EBF3: variants seen among roughly 807,000 people sequenced by gnomAD.
The protein encoded by EBF3 is transcription factor COE3.
Under a neutral mutation model 77.1 loss-of-function variants are expected in EBF3, and 18 were observed. The ratio of observed to expected loss-of-function variants is 0.23; its 90% CI spans 0.16 to 0.35. The LOEUF (loss-of-function observed/expected upper bound fraction) is 0.35. Ranked by LOEUF, EBF3 falls within the 10% of genes least tolerant of loss-of-function variation. The probability of loss-of-function intolerance (pLI) is 1.00; values close to 1 mark genes in which losing one functional copy is unlikely to be tolerated. For synonymous variants in EBF3, 350 were observed against 343.5 expected, an observed-to-expected ratio of 1.02 and a Z score of -0.21; for missense variants, 558 against 860.0, an observed-to-expected ratio of 0.65 and a Z score of 4.39.
intron 6 of EBF3, among the ~76,000 whole-genome samples, chr10:129,955,989 T>A (rs923611253): frequency 6.6e-6 from 1 of 152,236 alleles, no homozygotes; most frequent in African/African-American, 2.4e-5. Context: ...TATAATTATA[T>A]TGATTTTCAT....
chr10:129,963,556 G>A lies in EBF3; in HGVS notation c.135-33C>T, dbSNP rs1792812110. On this transcript the variant is annotated intron_variant, in intron 1 of 16. Transcript: ENST00000440978. The surrounding 1 kb of genome is among the most constrained non-coding windows in gnomAD (Gnocchi z 7.1). ...AGGAAAGAGACAGCGGCCCGGTGAG[G>A]AGCGCGGCGCCGGCCGGCGGAGGGG... The A allele has an allele frequency of 1.4e-6, 2 of 1,407,154 alleles. No individual in the cohort carries two copies. Among genetic ancestry groups the A allele is most frequent in the Non-Finnish European group, 1.9e-6 (2 of 1,071,956 alleles). 87.2% of individuals were successfully genotyped at this position (1,407,154 alleles called of 1,614,324 possible). A position where few individuals can be genotyped will look rare whatever the true frequency, so the allele number is the denominator to read the frequency against.
At chr10:129,858,148 T>C (rs1451210461) in intron 10 of EBF3, among the ~76,000 whole-genome samples, 2 of 152,102 alleles carry the variant, frequency 1.3e-5, no homozygotes, top group Non-Finnish European at 2.9e-5. Flanking sequence ...GTCCTTGGGG[T>C]TGTACATACC....
chr10:129,942,540 C>T (rs575704792), intron 6 of EBF3, among the ~76,000 whole-genome samples: 1 of 152,272 alleles, frequency 6.6e-6, no homozygotes, highest in Non-Finnish European at 1.5e-5. Flanking sequence ...TTCATGAGCT[C>T]AGGGACAGTC....
intron 6 of EBF3, among the ~76,000 whole-genome samples, chr10:129,916,908 A>G (rs1855919262): frequency 6.6e-6 from 1 of 152,200 alleles, no homozygotes; most frequent in Non-Finnish European, 1.5e-5. Context: ...AGGGGTGGGA[A>G]TGAGGGCTAG....
At position 129,841,107 on chromosome 10, in the gene EBF3, T is replaced by A. The variant is rs1436137172; in HGVS notation, c.1373-75A>T. The A allele has an allele frequency of 6.4e-7, 1 of 1,557,032 alleles. No homozygotes were observed. The highest frequency in any genetic ancestry group is 8.7e-7 in the Non-Finnish European group (1 of 1,150,986). ...ACACTTGGGGGGGGTTCCCCGAGAA[T>A]CTATATCATATATTAACATTGCTAA... is the stretch of plus-strand genomic sequence containing the variant. On this transcript the variant is annotated intron_variant, in intron 13 of 16. Transcript: ENST00000440978. This position sits in a 1 kb window ranked among gnomAD's most constrained non-coding sequence, Gnocchi z 4.6.
rs552056555 is a variant in EBF3, at chr10:129,912,456, T to G, written c.555-34607A>C. Among the ~76,000 whole-genome samples the G allele has an allele frequency of 6.9e-4, 105 of 152,218 alleles. No homozygotes were observed. In the Middle Eastern group the frequency reaches 0.02, roughly 30 times the overall value. ...GAGGGGAAAAAACAACAAACAGATC[T>G]CTTGTCTACAAAGCAGAACTCAAAA... On this transcript the variant is annotated intron_variant, in intron 6 of 16. Transcript: ENST00000440978.
In EBF3 at chr10:129,963,830, G is replaced by T; in HGVS notation, c.-62C>A. 6.9e-7 allele frequency: 1 copy of T among 1,458,906 alleles called. No homozygotes were observed. The highest frequency in any genetic ancestry group is 9.1e-7 in the Non-Finnish European group (1 of 1,093,602). The allele number at this position is 1,458,906 out of a possible 1,614,324, so 90.4% of individuals were successfully genotyped here. On this transcript the variant is annotated 5_prime_UTR_variant, in exon 1 of 17. Transcript: ENST00000440978. This position sits in a 1 kb window ranked among gnomAD's most constrained non-coding sequence, Gnocchi z 7.1. ...AGCGTTTCCTCGAGCAGCGGCGCTC[G>T]GGGCTTGGCGGCAGGCGGCTGCCCT...
At position 129,914,408 on chromosome 10, in the gene EBF3, T is replaced by C. The variant is rs146304034; in HGVS notation, c.555-36559A>G. On this transcript the variant is annotated intron_variant, in intron 6 of 16. Transcript: ENST00000440978. ...GAAGGTGGGGCACAGGCTGGTTCAC[T>C]GGAGCCCAGAGGCGCATGCAAGGTG... Among the ~76,000 whole-genome samples, 122 of 152,284 alleles carry C rather than the reference T, an allele frequency of 8.0e-4. 1 individual carries two copies. The East Asian group carries it at 0.013, about 16-fold the overall frequency.
Position 129,897,341 on chromosome 10 carries a change from G to A in EBF3, c.555-19492C>T, listed in dbSNP as rs1050584167. Among the ~76,000 whole-genome samples, 29 of 152,270 alleles carry A rather than the reference G, an allele frequency of 1.9e-4. No individual in the cohort carries two copies. Among genetic ancestry groups the A allele is most frequent in the East Asian group, 3.9e-4 (2 of 5,162 alleles). On this transcript the variant is annotated intron_variant, in intron 6 of 16. Transcript: ENST00000440978. The surrounding 1 kb of genome is among the most constrained non-coding windows in gnomAD (Gnocchi z 4.6). Reference sequence around the variant, plus strand: ...TGGCTGTGTGGGTGAGTTCTTGGGGGTACACCAGTGGCCCCAGGACCTTTG... The same window carrying A: ...TGGCTGTGTGGGTGAGTTCTTGGGGATACACCAGTGGCCCCAGGACCTTTG...
intron 16 of EBF3, among the ~76,000 whole-genome samples, 178 bp from the exon 17 acceptor site, chr10:129,838,138 G>A (rs207471578): frequency 6.6e-6 from 1 of 152,224 alleles, no homozygotes; most frequent in Non-Finnish European, 1.5e-5. Context: ...TCCTGAGGTG[G>A]GGGCACACGT....
rs916763472 is a variant in EBF3 at position 129,943,919 on chromosome 10, A to C, written c.554+13339T>G. On this transcript the variant is annotated intron_variant, in intron 6 of 16. Transcript: ENST00000440978. The surrounding 1 kb of genome is among the most constrained non-coding windows in gnomAD (Gnocchi z 8.8). ...AGCTGAAACCGTAAAATGCTCGGTA[A>C]AACCAGTCGCTCTGAGGGTGCAGCG... is the stretch of plus-strand genomic sequence containing the variant. Among the ~76,000 whole-genome samples, 7 of 152,190 alleles carry C rather than the reference A, an allele frequency of 4.6e-5. No individual in the cohort carries two copies. Among genetic ancestry groups the C allele is most frequent in the African/African-American group, 1.7e-4 (7 of 41,434 alleles).
At position 129,963,136 on chromosome 10, in the gene EBF3, G is replaced by T; in HGVS notation, c.292-131C>A. ...GATTCCTAGCTCGAAGCAGCGCGGT[G>T]ATGTCACTTTCCTGCTGGAAGCCCA... On this transcript the variant is annotated intron_variant, in intron 2 of 16. Coordinates refer to ENST00000440978, the MANE Select transcript of EBF3 (RefSeq NM_001375380.1). This position sits in a 1 kb window ranked among gnomAD's most constrained non-coding sequence, Gnocchi z 7.1. 1.6e-6 allele frequency: 2 copies of T among 1,284,078 alleles called. No homozygotes were observed. The highest frequency in any genetic ancestry group is 1.1e-6 in the Non-Finnish European group (1 of 894,758). The allele number at this position is 1,284,078 out of a possible 1,614,324, so 79.5% of individuals were successfully genotyped here. A position where few individuals can be genotyped will look rare whatever the true frequency, so the allele number is the denominator to read the frequency against.
intron 10 of EBF3, among the ~76,000 whole-genome samples, chr10:129,860,964 A>C (rs906086786): frequency 6.6e-6 from 1 of 152,346 alleles, no homozygotes; most frequent in East Asian, 1.9e-4. Flanking sequence ...TGATTAGGAC[A>C]AATAGTCTAC....
At chr10:129,904,788 C>T (rs1043801031) in intron 6 of EBF3, among the ~76,000 whole-genome samples, 1 of 152,220 alleles carries the variant, frequency 6.6e-6, no homozygotes, top group Non-Finnish European at 1.5e-5. Flanking sequence ...ATCACCTCAA[C>T]TCAAATTAGA....
At chr10:129,843,888 C>T (rs1012475933) in intron 11 of EBF3, among the ~76,000 whole-genome samples, 1 of 152,254 alleles carries the variant, frequency 6.6e-6, no homozygotes, top group Non-Finnish European at 1.5e-5. Context: ...GGCTTGGATG[C>T]ACCGAGTTTT....
At position 129,896,477 on chromosome 10, in the gene EBF3, C is replaced by T. The variant is rs558139914; in HGVS notation, c.555-18628G>A. ...CGTCGCCCGCCATTCCTGGCCCCTC[C>T]GAGCAGCTGGCTGGACGGGGCGGGG... On this transcript the variant is annotated intron_variant, in intron 6 of 16. Transcript: ENST00000440978. Among the ~76,000 whole-genome samples, 10 of 152,336 alleles carry T rather than the reference C, an allele frequency of 6.6e-5. No individual in the cohort carries two copies. The South Asian group carries it at 2.1e-3, about 32-fold the overall frequency.
chr10:129,865,696 G>T (rs1410487165), intron 10 of EBF3, among the ~76,000 whole-genome samples: 1 of 152,200 alleles, frequency 6.6e-6, no homozygotes, highest in African/African-American at 2.4e-5. Context: ...GGCAGCGGCA[G>T]GATTTATATC....
intron 6 of EBF3, among the ~76,000 whole-genome samples, chr10:129,893,681 A>G (rs1167261628): frequency 6.6e-6 from 1 of 152,194 alleles, no homozygotes; most frequent in Non-Finnish European, 1.5e-5. Context: ...GAGCCTCTCC[A>G]GCTAATCTGC....
chr10:129,957,314 G>C lies in EBF3; in HGVS notation c.498C>G (p.Asp166Glu), dbSNP rs373227621. ...CGTTTCTATTGCCACAACTTTTCTT[G>C]TCACAGCACCGGCTGTGGAGCAATT... ...THEIMCSRCC[D>E]KKSCGNRNET... Residue 166 changes from aspartate (D) to glutamate (E), a missense_variant, in exon 6 of 17, where the codon GAC (aspartate) becomes GAG (glutamate). Around this residue, in one of 5 missense-constraint regions of EBF3, gnomAD observed 14 missense variants for 87.3 expected, o/e 0.16. Transcript: ENST00000440978. 3 of 1,608,582 alleles carry C rather than the reference G, an allele frequency of 1.9e-6. No homozygotes were observed. The highest frequency in any genetic ancestry group is 2.7e-5 in the African/African-American group (2 of 74,724).
Sources: gnomAD v4.1 joint callset for allele counts (sites outside exome capture counted in the v4.1 genomes callset) on GRCh38, gnomAD v4.1.1 for gene constraint, gnomAD v4.1.1 regional missense constraint, Gnocchi (gnomAD v3.1) non-coding constraint, MANE v1.5 for transcripts, NCBI Gene and HGNC (gene_info 2026-07-23, HGNC 2026-07-21) for gene names.